Variants in DLEU7 observed in about 807,000 individuals in gnomAD.
The protein encoded by DLEU7 is leukemia-associated protein 7.
In DLEU7, 17 loss-of-function variants were observed where a neutral mutation model predicts 16.0. The ratio of observed to expected loss-of-function variants is 1.06; its 90% CI spans 0.73 to 1.59. The LOEUF is 1.59. Ranked by LOEUF, DLEU7 falls within the 40% of genes most tolerant of loss-of-function variation. The probability of loss-of-function intolerance (pLI) is 0.00; values close to 1 mark genes in which losing one functional copy is unlikely to be tolerated. For synonymous variants in DLEU7, 113 were observed against 139.8 expected, an observed-to-expected ratio of 0.81 and a Z score of 1.35; for missense variants, 308 against 314.9, an observed-to-expected ratio of 0.98 and a Z score of 0.17.
At chr13:50,759,429 A>G (rs1874860084) in intron 1 of DLEU7, among the ~76,000 whole-genome samples, 2 of 152,202 alleles carry the variant, frequency 1.3e-5, no homozygotes, top group South Asian at 4.1e-4. Flanking sequence ...TAAACTAGGG[A>G]TGGAACTAAA....
intron 1 of DLEU7, among the ~76,000 whole-genome samples, chr13:50,721,114 AG>A (rs1329467831): frequency 6.6e-6 from 1 of 152,200 alleles, no homozygotes; most frequent in Non-Finnish European, 1.5e-5. Context: ...AGGCAGAAGA[AG>A]GTGGGAGAAG....
chr13:50,723,150 T>C (rs1389680678), intron 1 of DLEU7: 1 of 152,204 alleles, frequency 6.6e-6, no homozygotes, highest in Non-Finnish European at 1.5e-5. Context: ...TTAAATTTCT[T>C]CAAGTGGAAA....
At chr13:50,757,363 C>T (rs1041273492) in intron 1 of DLEU7, among the ~76,000 whole-genome samples, 2 of 152,166 alleles carry the variant, frequency 1.3e-5, no homozygotes, top group African/African-American at 4.8e-5. Flanking sequence ...GTCATAGGAA[C>T]CTTGACTTCA....
chr13:50,772,230 C>T (rs1490335097), intron 1 of DLEU7, among the ~76,000 whole-genome samples: 4 of 152,266 alleles, frequency 2.6e-5, no homozygotes, highest in South Asian at 2.1e-4. Flanking sequence ...ATTTGCCAGT[C>T]TGTGTCTTTT....
chr13:50,798,104 C>A (rs914528367), intron 1 of DLEU7, among the ~76,000 whole-genome samples: 7 of 152,196 alleles, frequency 4.6e-5, no homozygotes, highest in African/African-American at 1.4e-4. Flanking sequence ...TGTCATTCTG[C>A]AGGTGGTATG....
intron 1 of DLEU7, among the ~76,000 whole-genome samples, chr13:50,774,739 A>G (rs763318227): frequency 6.6e-6 from 1 of 151,578 alleles, no homozygotes; most frequent in Non-Finnish European, 1.5e-5. Flanking sequence ...ACCTTTTGAG[A>G]CAATTGCACA....
At chr13:50,714,261 T>C (rs538380549) in intron 1 of DLEU7, among the ~76,000 whole-genome samples, 14 of 152,162 alleles carry the variant, frequency 9.2e-5, no homozygotes, top group Non-Finnish European at 1.6e-4. Context: ...CCACATTAAT[T>C]CCGGTCTTGG....
chr13:50,738,304 A>G (rs1039865551), intron 1 of DLEU7, among the ~76,000 whole-genome samples: 11 of 152,208 alleles, frequency 7.2e-5, no homozygotes, highest in African/African-American at 2.7e-4. Context: ...AACATTGGGA[A>G]AAAAACCTCA....
chr13:50,826,122 A>C (rs2137804572), intron 1 of DLEU7, among the ~76,000 whole-genome samples: 1 of 150,238 alleles, frequency 6.7e-6, no homozygotes, highest in South Asian at 2.1e-4. Context: ...GATCCTTCTC[A>C]TGCTCAATTC....
intron 1 of DLEU7, among the ~76,000 whole-genome samples, chr13:50,804,068 GAAC>G (rs1440815750): frequency 1.3e-5 from 2 of 152,226 alleles, no homozygotes; most frequent in Non-Finnish European, 2.9e-5. Flanking sequence ...GGGCTAGAAT[GAAC>G]AACATTTATT....
At chr13:50,747,157 T>C (rs1412754356) in intron 1 of DLEU7, among the ~76,000 whole-genome samples, 1 of 152,170 alleles carries the variant, frequency 6.6e-6, no homozygotes, top group Non-Finnish European at 1.5e-5. Context: ...CATAGACGAT[T>C]AAATCAATGC....
chr13:50,839,295 A>G (rs189932730), intron 1 of DLEU7, among the ~76,000 whole-genome samples: 2 of 152,348 alleles, frequency 1.3e-5, no homozygotes, highest in East Asian at 3.9e-4. Context: ...AATGTTTGTT[A>G]AGCTGGTTAA....
intron 1 of DLEU7, among the ~76,000 whole-genome samples, chr13:50,754,085 T>C (rs963694567): frequency 8.5e-5 from 13 of 152,254 alleles, no homozygotes; most frequent in Non-Finnish European, 2.9e-5. Context: ...GCTTATTTTA[T>C]GGCCTATCAT....
intron 1 of DLEU7, among the ~76,000 whole-genome samples, chr13:50,723,871 A>G (rs904157894): frequency 6.6e-6 from 1 of 151,958 alleles, no homozygotes; most frequent in Admixed American, 6.6e-5. Context: ...ACACATATAT[A>G]TATATAATTT....
Position 50,843,444 on chromosome 13 carries a change from CGCTCCTCGCGCCCGGGCCCCGGCCG to C in DLEU7, c.178_202del (p.Arg60GlyfsTer23), listed in dbSNP as rs1877749821. On this transcript the variant is annotated frameshift_variant, in exon 1 of 2. Transcript: ENST00000504404. LOFTEE classifies it high-confidence loss of function. The surrounding 1 kb of genome is among the most constrained non-coding windows in gnomAD (Gnocchi z 5.7). The stretch of plus-strand genomic sequence containing the variant: ...ACTCCTGGTCCCCACGCCCCCGCCC[CGCTCCTCGCGCCCGGGCCCCGGCCG>C]GGCCCGCGGCGGGCCTGAGCGACGG... The C allele has an allele frequency of 7.5e-7, 1 of 1,325,370 alleles. No homozygotes were observed. The highest frequency in any genetic ancestry group is 9.6e-7 in the Non-Finnish European group (1 of 1,045,032). The allele number at this position is 1,325,370 out of a possible 1,614,324, so 82.1% of individuals were successfully genotyped here.
intron 1 of DLEU7, among the ~76,000 whole-genome samples, chr13:50,799,845 G>A (rs1291102551): frequency 6.6e-6 from 1 of 152,168 alleles, no homozygotes; most frequent in Non-Finnish European, 1.5e-5. Flanking sequence ...GTATTGCATT[G>A]TCTTCATTCT....
At chr13:50,819,596 A>G (rs1288986297), downstream of DLEU7, among the ~76,000 whole-genome samples, 1 of 152,148 alleles carries the variant, frequency 6.6e-6, no homozygotes. Flanking sequence ...CATGTTTTGA[A>G]GGTTGACCCA....
downstream of DLEU7, among the ~76,000 whole-genome samples, chr13:50,821,572 T>C (rs552371731): frequency 6.6e-6 from 1 of 152,158 alleles, no homozygotes; most frequent in African/African-American, 2.4e-5. Flanking sequence ...CACCTCTGGC[T>C]AGGATGGCCC....
intron 1 of DLEU7, 34 bp from the exon 2 acceptor site, chr13:50,823,554 G>C (rs1485256793): frequency 1.3e-6 from 2 of 1,533,282 alleles, no homozygotes; most frequent in African/African-American, 1.4e-5. Flanking sequence ...CAAGAAATTA[G>C]ATAGGTTATG....
Sources: allele counts gnomAD v4.1 joint callset (sites outside exome capture counted in the v4.1 genomes callset), GRCh38; gene constraint gnomAD v4.1.1; non-coding constraint Gnocchi (gnomAD v3.1); transcripts MANE v1.5; gene names NCBI Gene and HGNC (gene_info 2026-07-23, HGNC 2026-07-21).